Variants in INPP4B observed in about 807,000 individuals in gnomAD.
The protein encoded by INPP4B is inositol polyphosphate-4-phosphatase type II B.
Under a neutral mutation model 122.5 loss-of-function variants are expected in INPP4B, and 55 were observed. That is an observed-to-expected ratio of 0.45 (90% CI 0.36 to 0.56). The LOEUF is 0.56. Among genes scored for constraint, INPP4B ranks in the 20% least tolerant of loss-of-function variants. INPP4B has a pLI of 0.00. For synonymous variants in INPP4B, 403 were observed against 388.7 expected (o/e 1.04, Z -0.43); for missense variants, 1,000 against 1,097.7 (o/e 0.91, Z 1.26).
At chr4:142,841,196 C>A (rs1561130022) in intron 1 of INPP4B, among the ~76,000 whole-genome samples, 1 of 152,024 alleles carries the variant, frequency 6.6e-6, no homozygotes, top group Non-Finnish European at 1.5e-5. Flanking sequence ...GTTAACTGAT[C>A]ACTAACAGTA....
chr4:142,814,238 C>G (rs903903773), intron 1 of INPP4B, among the ~76,000 whole-genome samples: 5 of 152,108 alleles, frequency 3.3e-5, no homozygotes, highest in Admixed American at 6.6e-5. Flanking sequence ...TATCTTCAAG[C>G]AAAAACAAAA....
At chr4:142,234,066 C>T (rs1855634120) in intron 12 of INPP4B, among the ~76,000 whole-genome samples, 1 of 152,082 alleles carries the variant, frequency 6.6e-6, no homozygotes, top group South Asian at 2.1e-4. Flanking sequence ...TAATGCTAGC[C>T]TGATTTTAGC....
chr4:142,530,641 T>C (rs114694505), intron 2 of INPP4B, among the ~76,000 whole-genome samples: 1,671 of 149,368 alleles, frequency 0.011, 31 homozygotes, highest in African/African-American at 0.039. Flanking sequence ...AAAAAAATAA[T>C]TGAGAACAAT....
At chr4:142,791,659 A>C (rs1415970089) in intron 1 of INPP4B, among the ~76,000 whole-genome samples, 1 of 152,096 alleles carries the variant, frequency 6.6e-6, no homozygotes, top group Non-Finnish European at 1.5e-5. Context: ...ATCTTCCTAC[A>C]TAAGAATTTC....
chr4:142,120,414 A>G (rs1157202662), intron 21 of INPP4B, among the ~76,000 whole-genome samples: 1 of 152,130 alleles, frequency 6.6e-6, no homozygotes, highest in Non-Finnish European at 1.5e-5. Context: ...CTATAGATCA[A>G]TTATGGAGAA....
chr4:142,584,066 T>G (rs1580428191), intron 2 of INPP4B, among the ~76,000 whole-genome samples: 1 of 152,192 alleles, frequency 6.6e-6, no homozygotes, highest in East Asian at 1.9e-4. Context: ...CCCTTCTTAT[T>G]CTATATGCCC....
chr4:142,642,827 G>C (rs1426809498), intron 2 of INPP4B, among the ~76,000 whole-genome samples: 1 of 152,102 alleles, frequency 6.6e-6, no homozygotes, highest in East Asian at 1.9e-4. Context: ...AGCTTGATGG[G>C]GATGGCATTG....
intron 7 of INPP4B, among the ~76,000 whole-genome samples, chr4:142,321,515 G>A (rs764638505): frequency 3.3e-5 from 5 of 152,006 alleles, no homozygotes; most frequent in African/African-American, 4.8e-5. Context: ...AGTCAATGTC[G>A]AGAAGGGTTT....
At chr4:142,323,145 C>T (rs1770764353) in intron 7 of INPP4B, among the ~76,000 whole-genome samples, 1 of 151,924 alleles carries the variant, frequency 6.6e-6, no homozygotes, top group Non-Finnish European at 1.5e-5. Flanking sequence ...AGGAAACGTT[C>T]CTTAAATTTT....
At position 142,447,546 on chromosome 4, in the gene INPP4B, T is replaced by C. The variant is rs149989633; in HGVS notation, c.-127+15117A>G. Among the ~76,000 whole-genome samples the C allele has an allele frequency of 3.6e-4, 55 of 152,250 alleles. No individual in the cohort carries two copies. The East Asian group carries it at 0.01, about 28-fold the overall frequency. On this transcript the variant is annotated intron_variant, in intron 3 of 25. Coordinates refer to ENST00000262992, the MANE Select transcript of INPP4B (RefSeq NM_001101669.3). Reference sequence around the variant, plus strand: ...GAAATGGAGTGGTGGTGTTAGTCTCTAGAGCCAGCAAGACAAAGAAACTAT... The same window carrying C: ...GAAATGGAGTGGTGGTGTTAGTCTCCAGAGCCAGCAAGACAAAGAAACTAT...
chr4:142,519,955 A>G (rs1417732141), intron 2 of INPP4B, among the ~76,000 whole-genome samples: 1 of 152,088 alleles, frequency 6.6e-6, no homozygotes, highest in Non-Finnish European at 1.5e-5. Context: ...TTAGTTTCCA[A>G]TACAATAATG....
chr4:142,381,647 C>G (rs1229905939), intron 7 of INPP4B, among the ~76,000 whole-genome samples: 1 of 152,114 alleles, frequency 6.6e-6, no homozygotes, highest in African/African-American at 2.4e-5. Context: ...AATAGTCTTT[C>G]AGATTAACTT....
At chr4:142,300,750 A>T (rs1249003728) in intron 9 of INPP4B, among the ~76,000 whole-genome samples, 1 of 152,196 alleles carries the variant, frequency 6.6e-6, no homozygotes, top group African/African-American at 2.4e-5. Flanking sequence ...ACATCTATAC[A>T]TTATAAAATA....
At chr4:142,183,401 A>G (rs1277261776) in intron 15 of INPP4B, among the ~76,000 whole-genome samples, 1 of 152,258 alleles carries the variant, frequency 6.6e-6, no homozygotes, top group Non-Finnish European at 1.5e-5. Flanking sequence ...AGATCTTGCA[A>G]TAACAGTATT....
chr4:142,238,120 T>G, intron 11 of INPP4B, 109 bp from the exon 12 acceptor site: 1 of 517,542 alleles, frequency 1.9e-6, no homozygotes, highest in Non-Finnish European at 3.4e-6. Context: ...ATTCATTTGA[T>G]CCAAAATGTC....
intron 14 of INPP4B, among the ~76,000 whole-genome samples, chr4:142,205,859 T>C (rs368904768): frequency 6.6e-6 from 1 of 152,312 alleles, no homozygotes; most frequent in African/African-American, 2.4e-5. Flanking sequence ...ACTTTGTTTC[T>C]GGTTATTTTA....
rs150872550 is a variant in INPP4B at position 142,717,814 on chromosome 4, C to A, written c.-191+8025G>T. On this transcript the variant is annotated intron_variant, in intron 2 of 25. Coordinates refer to ENST00000262992, the MANE Select transcript of INPP4B (RefSeq NM_001101669.3). ...AAATAACGAGTTAATGGGTGCAGCA[C>A]ACCAACATGGCACATGTATACATAT... Among the ~76,000 whole-genome samples the A allele has an allele frequency of 8.7e-3, 1,300 of 149,626 alleles. 13 individuals carry two copies. Among genetic ancestry groups the A allele is most frequent in the African/African-American group, 0.029 (1,184 of 40,542 alleles).
chr4:142,549,728 G>A (rs1727528365), intron 2 of INPP4B, among the ~76,000 whole-genome samples: 1 of 152,182 alleles, frequency 6.6e-6, no homozygotes, highest in Non-Finnish European at 1.5e-5. Context: ...GTGTCATTGA[G>A]ATCTGGTAAG....
At chr4:142,204,547 CCT>C (rs1841916137) in intron 14 of INPP4B, among the ~76,000 whole-genome samples, 1 of 151,822 alleles carries the variant, frequency 6.6e-6, no homozygotes, top group African/African-American at 2.4e-5. Context: ...TTTACTTGTA[CCT>C]CGCAAGAAAG....
Sources: gnomAD v4.1 joint callset for allele counts (sites outside exome capture counted in the v4.1 genomes callset) on GRCh38, gnomAD v4.1.1 for gene constraint, MANE v1.5 for transcripts, NCBI Gene and HGNC (gene_info 2026-07-23, HGNC 2026-07-21) for gene names.